Variants in HTRA3 observed in about 807,000 individuals in gnomAD.
HTRA3 encodes the protein HtrA serine peptidase 3.
A neutral mutation model predicts 43.2 loss-of-function variants in HTRA3; 41 were observed. The ratio of observed to expected loss-of-function variants is 0.95; its 90% CI spans 0.74 to 1.23. The LOEUF (loss-of-function observed/expected upper bound fraction) is 1.23, where lower values mean the gene tolerates loss of function less well. Ranked by LOEUF, HTRA3 falls within the 50% of genes most tolerant of loss-of-function variation. The pLI, the probability that HTRA3 is intolerant of heterozygous loss-of-function variation, is 0.00. For missense variants in HTRA3, 628 were observed against 647.1 expected (o/e 0.97, Z 0.32); for synonymous variants, 295 against 287.9 (o/e 1.02, Z -0.25).
At chr4:8,270,452 A>G (rs1389249583) in intron 1 of HTRA3, 99 bp downstream of exon 1, 7 of 1,280,626 alleles carry the variant, frequency 5.5e-6, no homozygotes, top group Non-Finnish European at 7.0e-6. Flanking sequence ...TTCCCTGGGC[A>G]CCACCGGGTG....
At chr4:8,301,417 C>T (rs1197461094) in intron 6 of HTRA3, among the ~76,000 whole-genome samples, 2 of 150,450 alleles carry the variant, frequency 1.3e-5, no homozygotes, top group South Asian at 2.1e-4. Context: ...ACACTATCAG[C>T]TTTATTATTG....
rs73801717 is a variant in HTRA3, at chr4:8,281,806, A to G, written c.386-631A>G. Reference sequence around the variant, plus strand: ...AAGGGTCCAGGGAAGTTCGTGAACCATCTAGCAAGTCGGGCTGGGGTGTGG... The same window carrying G: ...AAGGGTCCAGGGAAGTTCGTGAACCGTCTAGCAAGTCGGGCTGGGGTGTGG... On this transcript the variant is annotated intron_variant, in intron 1 of 8. Transcript: ENST00000307358. Among the ~76,000 whole-genome samples, 1,199 of 152,328 alleles carry G rather than the reference A, an allele frequency of 7.9e-3. 22 individuals are homozygous for G. Among genetic ancestry groups the G allele is most frequent in the African/African-American group, 0.028 (1,146 of 41,572 alleles).
Position 8,286,070 on chromosome 4 carries a change from G to A in HTRA3, c.486-491G>A, listed in dbSNP as rs1157975169. 6.6e-6 allele frequency among the ~76,000 whole-genome samples: 1 copy of A among 152,198 alleles called. No individual in the cohort carries two copies. Among genetic ancestry groups the A allele is most frequent in the Non-Finnish European group, 1.5e-5 (1 of 68,034 alleles). On this transcript the variant is annotated intron_variant, in intron 2 of 8. Transcript: ENST00000307358. This position sits in a 1 kb window ranked among gnomAD's most constrained non-coding sequence, Gnocchi z 4.9. ...GGCTTTTCCCCTAGGGCCAATTATT[G>A]TCCTGTTTGTTGAGAGGCGTTTTAG...
Position 8,295,736 on chromosome 4 carries a change from C to T in HTRA3, c.1051+1535C>T, listed in dbSNP as rs1168343460. 1.6e-5 allele frequency: 22 copies of T among 1,342,640 alleles called. No individual in the cohort carries two copies. The highest frequency in any genetic ancestry group is 1.9e-4 in the Middle Eastern group (1 of 5,206). The allele number at this position is 1,342,640 out of a possible 1,614,324, so 83.2% of individuals were successfully genotyped here. A position where few individuals can be genotyped will look rare whatever the true frequency, so the allele number is the denominator to read the frequency against. On this transcript the variant is annotated intron_variant, in intron 6 of 8. Coordinates refer to ENST00000307358, the MANE Select transcript of HTRA3 (RefSeq NM_053044.5). The surrounding 1 kb of genome is among the most constrained non-coding windows in gnomAD (Gnocchi z 6.9). ...TCATTGAGAGCAGGGGGCTTCCTCA[C>T]GTTTCCCCCTCCTCCATGACCCCGT... is the stretch of plus-strand genomic sequence containing the variant.
At position 8,294,414 on chromosome 4, in the gene HTRA3, C is replaced by T. The variant is rs75497072; in HGVS notation, c.1051+213C>T. ...TCAGGATCTTCCCCCTGCCTATCATCGATTCGTGATCGGCTTCATCCCCTG... is the reference window on the plus strand; with the variant it reads ...TCAGGATCTTCCCCCTGCCTATCATTGATTCGTGATCGGCTTCATCCCCTG... On this transcript the variant is annotated intron_variant, in intron 6 of 8. Coordinates refer to ENST00000307358, the MANE Select transcript of HTRA3 (RefSeq NM_053044.5). Among the ~76,000 whole-genome samples the T allele has an allele frequency of 1.9e-3, 287 of 151,882 alleles. 1 individual carries two copies. The highest frequency in any genetic ancestry group is 6.7e-3 in the African/African-American group (276 of 41,384).
intron 3 of HTRA3, 107 bp from the exon 4 acceptor site, chr4:8,291,263 G>A: frequency 1.0e-6 from 1 of 959,848 alleles, no homozygotes; most frequent in South Asian, 1.4e-5. Context: ...GCTTTGCACA[G>A]ATGTGCATGC....
intron 6 of HTRA3, among the ~76,000 whole-genome samples, chr4:8,301,952 T>A (rs369841410): frequency 5.1e-4 from 78 of 152,318 alleles, no homozygotes; most frequent in African/African-American, 1.8e-3. Context: ...TTGGAGCAGC[T>A]TGGGGGATGG....
chr4:8,304,431 G>T (rs759951567), intron 8 of HTRA3, 152 bp downstream of exon 8: 1 of 624,392 alleles, frequency 1.6e-6, no homozygotes, highest in Non-Finnish European at 2.8e-6. Flanking sequence ...AGCCAGAGGA[G>T]GCTGGAGAGC....
chr4:8,299,547 C>T (rs905531602), intron 6 of HTRA3, among the ~76,000 whole-genome samples: 5 of 152,032 alleles, frequency 3.3e-5, no homozygotes, highest in Non-Finnish European at 4.4e-5. Flanking sequence ...ATCCTTGTCC[C>T]GTTCGTGATC....
chr4:8,304,493 T>C (rs1713764428), intron 8 of HTRA3, among the ~76,000 whole-genome samples: 1 of 152,110 alleles, frequency 6.6e-6, no homozygotes, highest in Admixed American at 6.5e-5. Flanking sequence ...CACAATGTCA[T>C]TTCCTTCGAG....
intron 3 of HTRA3, among the ~76,000 whole-genome samples, chr4:8,288,177 A>G (rs4263384): frequency 6.6e-6 from 1 of 152,116 alleles, no homozygotes; most frequent in African/African-American, 2.4e-5. Flanking sequence ...TGCTTTTCAG[A>G]CTTTTCACGG....
At chr4:8,274,233 A>G (rs1712427204) in intron 1 of HTRA3, among the ~76,000 whole-genome samples, 1 of 152,104 alleles carries the variant, frequency 6.6e-6, no homozygotes, top group South Asian at 2.1e-4. Flanking sequence ...TTTGCACGCA[A>G]TGTGCCCACT....
In HTRA3 at chr4:8,270,364, G is replaced by C. The variant is rs1039135246; in HGVS notation, c.385+11G>C. 7 of 1,392,818 alleles carry C rather than the reference G, an allele frequency of 5.0e-6. No individual in the cohort carries two copies. Among genetic ancestry groups the C allele is most frequent in the Middle Eastern group, 2.6e-4 (1 of 3,852 alleles). 86.3% of individuals were successfully genotyped at this position (1,392,818 alleles called of 1,614,324 possible). A position where few individuals can be genotyped will look rare whatever the true frequency, so the allele number is the denominator to read the frequency against. On this transcript the variant is annotated intron_variant, in intron 1 of 8. Coordinates refer to ENST00000307358, the MANE Select transcript of HTRA3 (RefSeq NM_053044.5). ...GCGCCTGCCCGTTGGGTAAGCGCTC[G>C]GGGGCCAGGGAGGAAGTGAAGCTTC...
At chr4:8,294,629 C>CTT (rs1713377712) in intron 6 of HTRA3, among the ~76,000 whole-genome samples, 2 of 6,688 alleles carry the variant, frequency 3.0e-4, no homozygotes, top group Admixed American at 9.9e-4. Context: ...TCCATCCATC[C>CTT]ATCCATCCAT....
chr4:8,286,026 G>C lies in HTRA3; in HGVS notation c.486-535G>C, dbSNP rs1423028961. 6.6e-6 allele frequency among the ~76,000 whole-genome samples: 1 copy of C among 152,222 alleles called. No individual in the cohort carries two copies. The highest frequency in any genetic ancestry group is 2.4e-5 in the African/African-American group (1 of 41,464). ...CTGGGTACCTGCTGCAGCCCTGCAG[G>C]ATGCTGTGTGTGCAATGGGGCTTTT... On this transcript the variant is annotated intron_variant, in intron 2 of 8. Transcript: ENST00000307358. The surrounding 1 kb of genome is among the most constrained non-coding windows in gnomAD (Gnocchi z 4.9).
chr4:8,286,096 A>T lies in HTRA3; in HGVS notation c.486-465A>T, dbSNP rs1712955452. On this transcript the variant is annotated intron_variant, in intron 2 of 8. Transcript: ENST00000307358. The surrounding 1 kb of genome is among the most constrained non-coding windows in gnomAD (Gnocchi z 4.9). ...TCCTGTTTGTTGAGAGGCGTTTTAG[A>T]GCCCAGGCATCACCACTCGGCGGAG... Among the ~76,000 whole-genome samples, 1 of 152,132 alleles carries T rather than the reference A, an allele frequency of 6.6e-6. No individual in the cohort carries two copies. Among genetic ancestry groups the T allele is most frequent in the East Asian group, 1.9e-4 (1 of 5,182 alleles).
At chr4:8,303,763 C>T (rs1181104762) in intron 7 of HTRA3, among the ~76,000 whole-genome samples, 1 of 152,164 alleles carries the variant, frequency 6.6e-6, no homozygotes, top group African/African-American at 2.4e-5. Context: ...TTCCATGACT[C>T]AGCATTGTCT....
At chr4:8,287,343 A>G (rs1328514759) in intron 3 of HTRA3, among the ~76,000 whole-genome samples, 1 of 152,174 alleles carries the variant, frequency 6.6e-6, no homozygotes, top group African/African-American at 2.4e-5. Flanking sequence ...TTCTCACCAC[A>G]GGCCTGGGAG....
intron 1 of HTRA3, among the ~76,000 whole-genome samples, chr4:8,280,156 G>C (rs376618941): frequency 6.6e-6 from 1 of 152,156 alleles, no homozygotes; most frequent in Non-Finnish European, 1.5e-5. Flanking sequence ...TTGGTGGCCC[G>C]ACAAAGGCCA....
Sources: gnomAD v4.1 joint callset for allele counts (sites outside exome capture counted in the v4.1 genomes callset) on GRCh38, gnomAD v4.1.1 for gene constraint, Gnocchi (gnomAD v3.1) non-coding constraint, MANE v1.5 for transcripts, NCBI Gene and HGNC (gene_info 2026-07-23, HGNC 2026-07-21) for gene names.